Variants in AGAP1 observed in about 807,000 individuals in gnomAD.
The protein encoded by AGAP1 is arf-GAP with GTPase, ANK repeat and PH domain-containing protein 1.
AGAP1 carries 29 observed loss-of-function variants against 105.3 expected under a neutral mutation model. That is an observed-to-expected ratio of 0.28 (90% CI 0.21 to 0.38). AGAP1 has a LOEUF of 0.38. Ranked by LOEUF, AGAP1 falls within the 10% of genes least tolerant of loss-of-function variation. AGAP1 has a pLI of 1.00. For missense variants in AGAP1, 998 were observed against 1,165.1 expected (o/e 0.86, Z 2.09); for synonymous variants, 509 against 485.9 (o/e 1.05, Z -0.63).
rs1438623931 is a variant in AGAP1, at chr2:235,908,862, G to A, written c.1280G>A (p.Gly427Asp). The change falls in exon 11 of 18, where the codon GGC becomes GAC. Residue 427 changes from glycine to aspartate, a missense_variant. By Grantham distance (94) the Gly-to-Asp change is moderately conservative. Transcript: ENST00000304032. This position sits in a 1 kb window ranked among gnomAD's most constrained non-coding sequence, Gnocchi z 4.4. ...CCCATCTCCAGCCCTAAAACCAATG[G>A]CCTATCCAAGGACATGAGCAGTTTA... The part of the protein sequence containing the change: ...CAPISSPKTN[G>D]LSKDMSSLHI... 1 of 1,614,004 alleles carries A rather than the reference G, an allele frequency of 6.2e-7. No individual in the cohort carries two copies. The highest frequency in any genetic ancestry group is 8.5e-7 in the Non-Finnish European group (1 of 1,179,998).
At chr2:235,735,851 A>G (rs1483675407) in intron 3 of AGAP1, among the ~76,000 whole-genome samples, 1 of 152,074 alleles carries the variant, frequency 6.6e-6, no homozygotes, top group African/African-American at 2.4e-5. Flanking sequence ...AATACATTGC[A>G]CATTGCACTT....
chr2:235,631,351 G>A lies in AGAP1; in HGVS notation c.164-77828G>A, dbSNP rs1946824707. 6.6e-6 allele frequency among the ~76,000 whole-genome samples: 1 copy of A among 152,182 alleles called. No homozygotes were observed. Among genetic ancestry groups the A allele is most frequent in the Admixed American group, 6.5e-5 (1 of 15,290 alleles). On this transcript the variant is annotated intron_variant, in intron 1 of 17. Transcript: ENST00000304032. The surrounding 1 kb of genome is among the most constrained non-coding windows in gnomAD (Gnocchi z 5.4). ...TGGCGCAAGGAAGGACGATGGATTA[G>A]CCAACCATGACCGGCCAGGCTGTGC...
intron 6 of AGAP1, among the ~76,000 whole-genome samples, chr2:235,765,280 G>A (rs1328940660): frequency 1.4e-5 from 2 of 147,364 alleles, no homozygotes; most frequent in Non-Finnish European, 3.0e-5. Flanking sequence ...GGGGGTGGGG[G>A]TATCTGGGAG....
At chr2:235,921,771 A>G (rs2052192730) in intron 11 of AGAP1, among the ~76,000 whole-genome samples, 1 of 152,232 alleles carries the variant, frequency 6.6e-6, no homozygotes, top group African/African-American at 2.4e-5. Flanking sequence ...TTACAAAACA[A>G]GTATCACAGG....
intron 1 of AGAP1, among the ~76,000 whole-genome samples, chr2:235,644,203 G>A (rs1947296654): frequency 6.6e-6 from 1 of 152,218 alleles, no homozygotes; most frequent in South Asian, 2.1e-4. Context: ...AATCCTTGGA[G>A]GCGAGATGAG....
intron 12 of AGAP1, among the ~76,000 whole-genome samples, chr2:235,941,082 A>G (rs1208441911): frequency 6.6e-6 from 1 of 152,190 alleles, no homozygotes; most frequent in Non-Finnish European, 1.5e-5. Flanking sequence ...TGCTTTAGAA[A>G]CTGGTTCTTA....
In AGAP1 at chr2:236,053,490, T is replaced by C. The variant is rs75372477; in HGVS notation, c.2114+4209T>C. 0.028 allele frequency among the ~76,000 whole-genome samples: 4,271 copies of C among 152,330 alleles called. 107 individuals carry two copies. Among genetic ancestry groups the C allele is most frequent in the Non-Finnish European group, 0.043 (2,955 of 68,022 alleles). ...GCACGGCAGCGCCCTGGCCCGTTGT[T>C]CTTTATTGTTGTCCCCATTGCACTT... On this transcript the variant is annotated intron_variant, in intron 16 of 17. Transcript: ENST00000304032. This position sits in a 1 kb window ranked among gnomAD's most constrained non-coding sequence, Gnocchi z 4.6.
At chr2:235,514,062 TA>T (rs1942267631) in intron 1 of AGAP1, among the ~76,000 whole-genome samples, 1 of 152,252 alleles carries the variant, frequency 6.6e-6, no homozygotes, top group African/African-American at 2.4e-5. Context: ...TGTGGGTGTT[TA>T]TGTGTACAGA....
intron 13 of AGAP1, among the ~76,000 whole-genome samples, chr2:235,990,486 T>C (rs2055519872): frequency 6.6e-6 from 1 of 152,240 alleles, no homozygotes; most frequent in Non-Finnish European, 1.5e-5. Flanking sequence ...TGGTTGATGC[T>C]GCCTGTTGGG....
At chr2:235,505,370 A>G (rs1559207685) in intron 1 of AGAP1, among the ~76,000 whole-genome samples, 1 of 152,168 alleles carries the variant, frequency 6.6e-6, no homozygotes, top group African/African-American at 2.4e-5. Context: ...ACGCGGGGCC[A>G]TGGATTGAGT....
Position 235,529,795 on chromosome 2 carries a change from G to A in AGAP1, c.163+34946G>A, listed in dbSNP as rs534818087. Among the ~76,000 whole-genome samples, 4 of 152,340 alleles carry A rather than the reference G, an allele frequency of 2.6e-5. No homozygotes were observed. The East Asian group carries it at 5.8e-4, about 22-fold the overall frequency. On this transcript the variant is annotated intron_variant, in intron 1 of 17. Coordinates refer to ENST00000304032, the MANE Select transcript of AGAP1 (RefSeq NM_001037131.3). The stretch of plus-strand genomic sequence containing the variant: ...AAGTGAAGCTGGGTGGGCAGAAATC[G>A]AGGCCCCAGGCCCATCAGCCTGAGT...
intron 12 of AGAP1, among the ~76,000 whole-genome samples, chr2:235,938,128 C>T (rs2053079508): frequency 6.6e-6 from 1 of 152,202 alleles, no homozygotes; most frequent in Admixed American, 6.5e-5. Flanking sequence ...CTGCTGCCAC[C>T]AGCGTAGATG....
chr2:236,011,219 T>C (rs929895418), intron 13 of AGAP1, among the ~76,000 whole-genome samples: 3 of 152,234 alleles, frequency 2.0e-5, no homozygotes, highest in African/African-American at 7.2e-5. Context: ...TTGGCACCAT[T>C]GTGGGGACAG....
At chr2:235,505,001 C>T (rs1941734398) in intron 1 of AGAP1, among the ~76,000 whole-genome samples, 1 of 152,134 alleles carries the variant, frequency 6.6e-6, no homozygotes, top group South Asian at 2.1e-4. Context: ...CCCTTTGGCT[C>T]TCCTTGGCTC....
chr2:235,975,873 A>G (rs1486834400), intron 13 of AGAP1, among the ~76,000 whole-genome samples: 1 of 152,232 alleles, frequency 6.6e-6, no homozygotes, highest in Non-Finnish European at 1.5e-5. Flanking sequence ...TAAAAACTGC[A>G]TAATCAACAG....
At chr2:235,791,423 TC>T (rs1280049619) in intron 6 of AGAP1, among the ~76,000 whole-genome samples, 3 of 152,194 alleles carry the variant, frequency 2.0e-5, no homozygotes, top group African/African-American at 7.2e-5. Flanking sequence ...TCTTTTCTTT[TC>T]TTTTTTTTGT....
At chr2:236,041,833 C>T (rs531931434) in intron 15 of AGAP1, among the ~76,000 whole-genome samples, 10 of 152,116 alleles carry the variant, frequency 6.6e-5, no homozygotes, top group African/African-American at 1.2e-4. Flanking sequence ...GGAGAGCCAT[C>T]GGGGGCATGC....
chr2:235,589,265 G>C (rs1220050934), intron 1 of AGAP1, among the ~76,000 whole-genome samples: 1 of 135,370 alleles, frequency 7.4e-6, no homozygotes, highest in East Asian at 2.3e-4. Context: ...GAGTGCAATG[G>C]CGCGGTCTTG....
At chr2:235,980,059 A>G (rs1231614920) in intron 13 of AGAP1, among the ~76,000 whole-genome samples, 1 of 152,166 alleles carries the variant, frequency 6.6e-6, no homozygotes, top group Non-Finnish European at 1.5e-5. Context: ...GCTTGACAGT[A>G]ATGATCTTAT....
Sources: allele counts gnomAD v4.1 joint callset (sites outside exome capture counted in the v4.1 genomes callset), GRCh38; gene constraint gnomAD v4.1.1; non-coding constraint Gnocchi (gnomAD v3.1); transcripts MANE v1.5; gene names NCBI Gene and HGNC (gene_info 2026-07-23, HGNC 2026-07-21).